The following EHF variants were observed in gnomAD, a reference collection of about 807,000 sequenced individuals.
EHF encodes the protein ETS homologous factor, also known as ESE3 transcription factor.
In EHF, 14 loss-of-function variants were observed where a neutral mutation model predicts 45.1. The ratio of observed to expected loss-of-function variants is 0.31; its 90% CI spans 0.21 to 0.49. The LOEUF is 0.49. Ranked by LOEUF, EHF falls within the 20% of genes least tolerant of loss-of-function variation. The pLI is 0.99. For missense variants in EHF, 282 were observed against 371.4 expected (o/e 0.76, Z 1.98); for synonymous variants, 136 against 131.8 (o/e 1.03, Z -0.22).
chr11:34,631,172 C>T (rs1455071142), intron 1 of EHF, among the ~76,000 whole-genome samples: 1 of 152,182 alleles, frequency 6.6e-6, no homozygotes, highest in African/African-American at 2.4e-5. Flanking sequence ...GCTGGGACTA[C>T]AGGCACATGC....
At chr11:34,640,071 T>G (rs1432114188) in intron 1 of EHF, among the ~76,000 whole-genome samples, 1 of 152,036 alleles carries the variant, frequency 6.6e-6, no homozygotes, top group African/African-American at 2.4e-5. Flanking sequence ...CATGACCTCA[T>G]TTGATTCTTA....
intron 6 of EHF, among the ~76,000 whole-genome samples, chr11:34,654,568 T>C (rs142023490): frequency 6.6e-6 from 1 of 152,274 alleles, no homozygotes; most frequent in East Asian, 1.9e-4. Flanking sequence ...AAAAAGAACG[T>C]TCCTAGCTGG....
intron 6 of EHF, among the ~76,000 whole-genome samples, chr11:34,652,750 T>C (rs957116969): frequency 5.9e-5 from 9 of 152,182 alleles, no homozygotes; most frequent in African/African-American, 1.7e-4. Flanking sequence ...TTTTCTGTTT[T>C]TGTTTTTGCT....
chr11:34,641,707 G>A (rs960495810), intron 1 of EHF, among the ~76,000 whole-genome samples: 1 of 152,166 alleles, frequency 6.6e-6, no homozygotes, highest in Non-Finnish European at 1.5e-5. Context: ...CACACGGTTG[G>A]GGATCTGTTC....
intron 6 of EHF, among the ~76,000 whole-genome samples, chr11:34,653,764 T>C (rs1396412806): frequency 1.3e-5 from 2 of 152,252 alleles, no homozygotes; most frequent in African/African-American, 4.8e-5. Context: ...CTTGGTCATT[T>C]GCCTGAGTCT....
intron 1 of EHF, among the ~76,000 whole-genome samples, chr11:34,628,996 T>C (rs904026805): frequency 6.6e-6 from 1 of 152,244 alleles, no homozygotes; most frequent in Non-Finnish European, 1.5e-5. Flanking sequence ...ATGATGTAGC[T>C]GGTCCTGCCT....
In EHF at chr11:34,662,064, C is replaced by G. The variant is rs1444952974; in HGVS notation, c.*3133C>G. Among the ~76,000 whole-genome samples the G allele has an allele frequency of 6.6e-6, 1 of 152,232 alleles. No homozygotes were observed. Among genetic ancestry groups the G allele is most frequent in the East Asian group, 1.9e-4 (1 of 5,184 alleles). On this transcript the variant is annotated 3_prime_UTR_variant, in exon 9 of 9. Coordinates refer to ENST00000257831, the MANE Select transcript of EHF (RefSeq NM_012153.6). Reference sequence around the variant, plus strand: ...TCCTTTGAACACATTGGTCTTTTCTCAAAGTTCCTGCCTTGCTAGACTGTT... The same window carrying G: ...TCCTTTGAACACATTGGTCTTTTCTGAAAGTTCCTGCCTTGCTAGACTGTT...
At chr11:34,646,326 C>T (rs1283160068) in intron 2 of EHF, 113 bp from the exon 3 acceptor site, 32 of 1,518,492 alleles carry the variant, frequency 2.1e-5, no homozygotes, top group African/African-American at 9.6e-5. Context: ...GGCACATACA[C>T]GGACTGTGGT....
chr11:34,628,870 C>T (rs1852614586), intron 1 of EHF, among the ~76,000 whole-genome samples: 1 of 152,162 alleles, frequency 6.6e-6, no homozygotes, highest in Admixed American at 6.5e-5. Context: ...TTCCACGGGG[C>T]CCCATGCTTA....
chr11:34,635,430 C>A lies in EHF; in HGVS notation c.-3-7198C>A, dbSNP rs1853288238. On this transcript the variant is annotated intron_variant, in intron 1 of 8. Transcript: ENST00000257831. ...GCTTTTCTGTCCCTATTAGCCCTAG[C>A]CCCAATCCGAAACCTTATTCTTTTT... Among the ~76,000 whole-genome samples the A allele has an allele frequency of 4.7e-5, 7 of 148,442 alleles. No homozygotes were observed. The Admixed American group carries it at 4.8e-4, about 10-fold the overall frequency.
At chr11:34,625,516 TCTC>T (rs2133972097) in intron 1 of EHF, among the ~76,000 whole-genome samples, 1 of 152,256 alleles carries the variant, frequency 6.6e-6, no homozygotes, top group African/African-American at 2.4e-5. Flanking sequence ...TGGACTCACT[TCTC>T]CTAGAGGAAG....
chr11:34,660,342 T>G lies in EHF; in HGVS notation c.*1411T>G, dbSNP rs1856006682. The G allele has an allele frequency of 1.3e-5, 2 of 152,170 alleles. No homozygotes were observed. The highest frequency in any genetic ancestry group is 2.9e-5 in the Non-Finnish European group (2 of 68,020). The allele number at this position is 152,170 out of a possible 1,614,324, so 9.4% of individuals were successfully genotyped here. A position where few individuals can be genotyped will look rare whatever the true frequency, so the allele number is the denominator to read the frequency against. On this transcript the variant is annotated 3_prime_UTR_variant, in exon 9 of 9. Transcript: ENST00000257831. ...AATCCTCTTTGCAGGTATTAATTCT[T>G]ATAATTTTTTGTCTTTTGGATTATC...
intron 1 of EHF, chr11:34,642,224 A>G (rs1854073386): frequency 5.7e-6 from 1 of 175,434 alleles, no homozygotes; most frequent in Non-Finnish European, 1.2e-5. Context: ...ACCAGCTTGG[A>G]TTTTCATTGT....
At chr11:34,625,445 A>G (rs1258047822) in intron 1 of EHF, among the ~76,000 whole-genome samples, 1 of 152,202 alleles carries the variant, frequency 6.6e-6, no homozygotes, top group African/African-American at 2.4e-5. Flanking sequence ...CTGAGTTTGT[A>G]TGGTACTGAT....
intron 1 of EHF, among the ~76,000 whole-genome samples, chr11:34,621,761 C>T (rs755623686): frequency 6.6e-6 from 1 of 152,214 alleles, no homozygotes; most frequent in African/African-American, 2.4e-5. Context: ...CATACACAAT[C>T]ACACTGGAAA....
At chr11:34,631,644 C>T (rs1852899128) in intron 1 of EHF, 2 of 859,626 alleles carry the variant, frequency 2.3e-6, no homozygotes, top group Non-Finnish European at 2.8e-6. Context: ...TGTGGCTAGC[C>T]TCATTTATGC....
At chr11:34,653,100 A>T (rs1168318765) in intron 6 of EHF, among the ~76,000 whole-genome samples, 1 of 152,020 alleles carries the variant, frequency 6.6e-6, no homozygotes, top group African/African-American at 2.4e-5. Flanking sequence ...CCCAAGTCAC[A>T]CTCTGAGTTC....
At chr11:34,632,224 T>G (rs17358295) in intron 1 of EHF, among the ~76,000 whole-genome samples, 15,216 of 152,256 alleles carry the variant, frequency 0.1, 908 homozygotes, top group Admixed American at 0.18. Context: ...TACAAATCAA[T>G]GCTTAACTGC....
intron 3 of EHF, among the ~76,000 whole-genome samples, chr11:34,648,138 C>A (rs1854762146): frequency 6.6e-6 from 1 of 152,112 alleles, no homozygotes; most frequent in African/African-American, 2.4e-5. Context: ...TGTAGACCTT[C>A]TATCAACTAA....
Sources: allele counts gnomAD v4.1 joint callset (sites outside exome capture counted in the v4.1 genomes callset), GRCh38; gene constraint gnomAD v4.1.1; transcripts MANE v1.5; gene names NCBI Gene and HGNC (gene_info 2026-07-23, HGNC 2026-07-21).